Variants in BORCS5 observed in about 807,000 individuals in gnomAD.
BORCS5 encodes the protein BLOC-1 related complex subunit 5.
A neutral mutation model predicts 22.1 loss-of-function variants in BORCS5; 17 were observed. The observed-to-expected ratio is 0.77, with a 90% CI of 0.53 to 1.15. BORCS5 has a LOEUF of 1.15. Among genes scored for constraint, BORCS5 ranks in the 50% most tolerant of loss-of-function variants. The pLI is 0.00. For missense variants in BORCS5, 247 were observed against 253.2 expected (o/e 0.98, Z 0.17); for synonymous variants, 117 against 99.8 (o/e 1.17, Z -1.03).
At chr12:12,407,708 GTT>G (rs111497303) in intron 2 of BORCS5, among the ~76,000 whole-genome samples, 7 of 138,994 alleles carry the variant, frequency 5.0e-5, no homozygotes, top group African/African-American at 8.1e-5. Context: ...TATTCTTTTT[GTT>G]TTTTTTTTTT....
chr12:12,425,323 C>T (rs1310843461), intron 2 of BORCS5, among the ~76,000 whole-genome samples: 1 of 152,192 alleles, frequency 6.6e-6, no homozygotes, highest in Non-Finnish European at 1.5e-5. Flanking sequence ...ACAGAGTGCA[C>T]CAGTGCAATT....
At chr12:12,388,763 T>C (rs565800351) in intron 2 of BORCS5, among the ~76,000 whole-genome samples, 5 of 151,250 alleles carry the variant, frequency 3.3e-5, no homozygotes, top group African/African-American at 1.2e-4. Context: ...CTTTCTGCTG[T>C]TCTTCTCCTT....
At chr12:12,409,635 G>T (rs1941675420) in intron 2 of BORCS5, among the ~76,000 whole-genome samples, 1 of 152,136 alleles carries the variant, frequency 6.6e-6, no homozygotes, top group Non-Finnish European at 1.5e-5. Flanking sequence ...ATCATTGTTG[G>T]ACATTTGGGT....
intron 2 of BORCS5, among the ~76,000 whole-genome samples, chr12:12,418,604 T>C (rs1345922027): frequency 6.6e-6 from 1 of 152,172 alleles, no homozygotes; most frequent in African/African-American, 2.4e-5. Flanking sequence ...GGAGGATTGT[T>C]TGAGCCCAGG....
rs571675159 is a variant in BORCS5 at position 12,470,879 on chromosome 12, A to G, written c.*5103A>G. On this transcript the variant is annotated 3_prime_UTR_variant, in exon 4 of 4. Coordinates refer to ENST00000314565, the MANE Select transcript of BORCS5 (RefSeq NM_058169.6). The stretch of plus-strand genomic sequence containing the variant: ...CTCCGGGATTTTTCCAGGGTTATCA[A>G]TGTCAGTGTAAGATCTGATGGAATT... Among the ~76,000 whole-genome samples, 6 of 152,248 alleles carry G rather than the reference A, an allele frequency of 3.9e-5. No individual in the cohort carries two copies. The highest frequency in any genetic ancestry group is 4.1e-4 in the South Asian group (2 of 4,822).
chr12:12,369,709 CTTCT>C (rs1468591466), intron 2 of BORCS5, among the ~76,000 whole-genome samples: 4 of 100,898 alleles, frequency 4.0e-5, no homozygotes, highest in Admixed American at 3.0e-4. Flanking sequence ...TCACCCCCCA[CTTCT>C]TTTTTTTTTT....
At chr12:12,439,511 G>A (rs1009353111) in intron 3 of BORCS5, among the ~76,000 whole-genome samples, 9 of 152,020 alleles carry the variant, frequency 5.9e-5, no homozygotes, top group Non-Finnish European at 8.8e-5. Flanking sequence ...GTGCGTGCCT[G>A]TAGTCCCAGC....
chr12:12,437,656 C>T (rs11054911), intron 3 of BORCS5, among the ~76,000 whole-genome samples: 3 of 152,304 alleles, frequency 2.0e-5, no homozygotes, highest in African/African-American at 4.8e-5. Flanking sequence ...ACTTTTGAAA[C>T]TTAGTTGACC....
chr12:12,381,355 T>A (rs1038771616), intron 2 of BORCS5, among the ~76,000 whole-genome samples: 1 of 151,468 alleles, frequency 6.6e-6, no homozygotes, highest in African/African-American at 2.4e-5. Flanking sequence ...CCTGTGATCC[T>A]TTTTGGATTA....
intron 2 of BORCS5, among the ~76,000 whole-genome samples, chr12:12,398,830 G>C (rs1220481978): frequency 6.6e-6 from 1 of 152,192 alleles, no homozygotes; most frequent in Admixed American, 6.5e-5. Context: ...GGCAGAAAAT[G>C]TCAAGATTAG....
chr12:12,467,711 T>G lies in BORCS5; in HGVS notation c.*1935T>G, dbSNP rs1208378452. ...TGTCGTGAACTTGGCTAAACTGAACTGTGTTCCCAGAATTCCCTTCCTTGT... is the reference window on the plus strand; with the variant it reads ...TGTCGTGAACTTGGCTAAACTGAACGGTGTTCCCAGAATTCCCTTCCTTGT... On this transcript the variant is annotated 3_prime_UTR_variant, in exon 4 of 4. Transcript: ENST00000314565. The G allele has an allele frequency of 6.6e-6, 1 of 152,294 alleles. No homozygotes were observed. Among genetic ancestry groups the G allele is most frequent in the African/African-American group, 2.4e-5 (1 of 41,466 alleles). 9.4% of individuals were successfully genotyped at this position (152,294 alleles called of 1,614,324 possible).
intron 2 of BORCS5, among the ~76,000 whole-genome samples, chr12:12,398,297 A>G (rs949004930): frequency 1.3e-5 from 2 of 152,088 alleles, no homozygotes; most frequent in Non-Finnish European, 2.9e-5. Flanking sequence ...TTTTTTTTCC[A>G]TACAAATAGT....
At chr12:12,425,414 C>G (rs1592116055) in intron 2 of BORCS5, among the ~76,000 whole-genome samples, 2 of 151,806 alleles carry the variant, frequency 1.3e-5, no homozygotes, top group African/African-American at 4.9e-5. Context: ...TTTTTAGGAA[C>G]CCCCATACTG....
chr12:12,440,662 AGGGGAAC>A (rs1942666292), intron 3 of BORCS5, among the ~76,000 whole-genome samples: 1 of 151,316 alleles, frequency 6.6e-6, no homozygotes, highest in East Asian at 1.9e-4. Flanking sequence ...GCATTGCTGC[AGGGGAAC>A]AGCTTGACAG....
intron 3 of BORCS5, among the ~76,000 whole-genome samples, chr12:12,453,530 ACT>A (rs1461075095): frequency 1.3e-5 from 2 of 152,010 alleles, no homozygotes; most frequent in Admixed American, 6.6e-5. Flanking sequence ...ATCTTCGTAA[ACT>A]CGAAAGTGGC....
intron 2 of BORCS5, among the ~76,000 whole-genome samples, chr12:12,382,645 G>T (rs914187035): frequency 6.7e-6 from 1 of 149,106 alleles, no homozygotes; most frequent in Admixed American, 6.8e-5. Flanking sequence ...TGATTTTCCT[G>T]CCTCAGCCTC....
intron 3 of BORCS5, among the ~76,000 whole-genome samples, chr12:12,457,210 A>G (rs949869444): frequency 1.3e-5 from 2 of 152,134 alleles, no homozygotes; most frequent in East Asian, 3.8e-4. Context: ...GGCATTGTCA[A>G]TTTCACCAAT....
chr12:12,415,896 G>T (rs1941935571), intron 2 of BORCS5, among the ~76,000 whole-genome samples: 1 of 152,108 alleles, frequency 6.6e-6, no homozygotes, highest in Admixed American at 6.6e-5. Flanking sequence ...GTCTAAAAAG[G>T]GTTTATGTTA....
At position 12,372,618 on chromosome 12, in the gene BORCS5, C is replaced by T. The variant is rs73279355; in HGVS notation, c.202+11269C>T. ...CCTTCCCATGTTTTCTTTTAAATAC[C>T]GTTGGGGCTCATCTAGTGCAGTCTT... On this transcript the variant is annotated intron_variant, in intron 2 of 3. Coordinates refer to ENST00000314565, the MANE Select transcript of BORCS5 (RefSeq NM_058169.6). Among the ~76,000 whole-genome samples the T allele has an allele frequency of 4.8e-3, 734 of 152,062 alleles. 5 individuals carry two copies. Among genetic ancestry groups the T allele is most frequent in the African/African-American group, 0.017 (690 of 41,460 alleles).
Sources: allele counts gnomAD v4.1 joint callset (sites outside exome capture counted in the v4.1 genomes callset), GRCh38; gene constraint gnomAD v4.1.1; transcripts MANE v1.5; gene names NCBI Gene and HGNC (gene_info 2026-07-23, HGNC 2026-07-21).